DAPK2: variants seen among roughly 807,000 people sequenced by gnomAD.
The protein encoded by DAPK2 is death associated protein kinase 2.
A neutral mutation model predicts 44.1 loss-of-function variants in DAPK2; 35 were observed. The ratio of observed to expected loss-of-function variants is 0.79; its 90% CI spans 0.61 to 1.05. The LOEUF (loss-of-function observed/expected upper bound fraction) is 1.05. Among genes scored for constraint, DAPK2 ranks in the 50% least tolerant of loss-of-function variants. The probability of loss-of-function intolerance (pLI) is 0.00; values close to 1 mark genes in which losing one functional copy is unlikely to be tolerated. For missense variants in DAPK2, 453 were observed against 483.2 expected (o/e 0.94, Z 0.59); for synonymous variants, 174 against 182.6 (o/e 0.95, Z 0.38).
chr15:63,926,717 T>C (rs911874660), intron 6 of DAPK2, among the ~76,000 whole-genome samples: 1 of 152,184 alleles, frequency 6.6e-6, no homozygotes, highest in Non-Finnish European at 1.5e-5. Flanking sequence ...GATGCCTTGG[T>C]AGAGGTATGA....
rs775872514 is a variant in DAPK2, at chr15:63,912,319, C to T, written c.859-122G>A. ...CCTTGGCTTGACCCTGGCATCTCCC[C>T]GCCAGGTGGGGCACACCGTGGGAGC... On this transcript the variant is annotated intron_variant, in intron 8 of 10. Coordinates refer to ENST00000261891, the Ensembl canonical transcript of DAPK2. This position sits in a 1 kb window ranked among gnomAD's most constrained non-coding sequence, Gnocchi z 4.4. The T allele has an allele frequency of 8.8e-5, 78 of 884,140 alleles. No homozygotes were observed. Among genetic ancestry groups the T allele is most frequent in the Non-Finnish European group, 1.3e-4 (75 of 561,868 alleles). 54.8% of individuals were successfully genotyped at this position (884,140 alleles called of 1,614,324 possible).
intron 1 of DAPK2, among the ~76,000 whole-genome samples, chr15:63,985,002 C>A (rs1567252867): frequency 6.6e-6 from 1 of 152,238 alleles, no homozygotes; most frequent in African/African-American, 2.4e-5. Flanking sequence ...TCTATGGCAG[C>A]CACTTCAGAG....
intron 2 of DAPK2, among the ~76,000 whole-genome samples, chr15:63,982,630 G>C (rs1180362985): frequency 6.6e-6 from 1 of 152,136 alleles, no homozygotes; most frequent in Non-Finnish European, 1.5e-5. Flanking sequence ...CTAGAGTATT[G>C]AGGTCATCTA....
chr15:64,036,888 C>CA (rs1453605987), intron 1 of DAPK2, among the ~76,000 whole-genome samples: 2 of 152,080 alleles, frequency 1.3e-5, no homozygotes, highest in Non-Finnish European at 1.5e-5. Flanking sequence ...CTTGACACCC[C>CA]AAAACTACTC....
chr15:63,965,516 G>A lies in DAPK2; in HGVS notation c.453+5907C>T, dbSNP rs75713744. 3.2e-3 allele frequency among the ~76,000 whole-genome samples: 492 copies of A among 152,344 alleles called. 7 individuals are homozygous for A. The East Asian group carries it at 0.045, about 14-fold the overall frequency. On this transcript the variant is annotated intron_variant, in intron 3 of 10. Coordinates refer to ENST00000261891, the Ensembl canonical transcript of DAPK2. ...CTACAATAGGCAGGTGGCAAAGCCAGCCAGGCTTGTGTCCTTCCCTCAGGG... is the reference window on the plus strand; with the variant it reads ...CTACAATAGGCAGGTGGCAAAGCCAACCAGGCTTGTGTCCTTCCCTCAGGG...
chr15:63,978,619 C>A (rs557897642), intron 2 of DAPK2, among the ~76,000 whole-genome samples: 42 of 152,280 alleles, frequency 2.8e-4, no homozygotes, highest in African/African-American at 9.9e-4. Flanking sequence ...GATACCCAGG[C>A]TGGGACATTC....
chr15:64,019,567 T>C (rs954157896), intron 1 of DAPK2, among the ~76,000 whole-genome samples: 1 of 152,270 alleles, frequency 6.6e-6, no homozygotes, highest in Admixed American at 6.5e-5. Context: ...GTGCTCATTG[T>C]AGACCATGAG....
intron 1 of DAPK2, among the ~76,000 whole-genome samples, chr15:64,016,789 G>C (rs1048319833): frequency 1.4e-5 from 2 of 148,094 alleles, no homozygotes; most frequent in African/African-American, 5.0e-5. Context: ...AAGAAAGAAA[G>C]GAGGAAAGAA....
intron 7 of DAPK2, among the ~76,000 whole-genome samples, 172 bp downstream of exon 8, chr15:63,925,769 C>T (rs2079238571): frequency 1.3e-5 from 2 of 151,096 alleles, no homozygotes; most frequent in South Asian, 2.1e-4. Flanking sequence ...CTTGAGCAAA[C>T]AAGATGAATG....
chr15:63,987,770 T>A (rs943486744), intron 1 of DAPK2, among the ~76,000 whole-genome samples: 12 of 152,110 alleles, frequency 7.9e-5, no homozygotes, highest in African/African-American at 2.9e-4. Flanking sequence ...AATTCCTAAC[T>A]CTGGGCTGGT....
In DAPK2 at chr15:63,980,057, C is replaced by T. The variant is rs2078459730; in HGVS notation, c.314+3476G>A. ...CCAATCTCATAAATTCTTAGCAGTC[C>T]ATAGACAGGCACCCTGAGAACAATG... On this transcript the variant is annotated intron_variant, in intron 2 of 10. Transcript: ENST00000261891. This position sits in a 1 kb window ranked among gnomAD's most constrained non-coding sequence, Gnocchi z 4.3. 1.3e-5 allele frequency among the ~76,000 whole-genome samples: 2 copies of T among 152,102 alleles called. No homozygotes were observed. Among genetic ancestry groups the T allele is most frequent in the African/African-American group, 2.4e-5 (1 of 41,398 alleles).
chr15:63,933,596 ATT>A (rs57997935), intron 4 of DAPK2, among the ~76,000 whole-genome samples: 6,869 of 118,094 alleles, frequency 0.058, 361 homozygotes, highest in African/African-American at 0.17. Context: ...GGACAGATTG[ATT>A]TTTTTTTTTT....
At chr15:63,920,414 G>T in intron 8 of DAPK2, 1 of 152,152 alleles carries the variant, frequency 6.6e-6, no homozygotes. Flanking sequence ...CCCTCTCATT[G>T]AGGGCATCAC....
intron 1 of DAPK2, among the ~76,000 whole-genome samples, chr15:63,985,368 C>A (rs1231364819): frequency 6.6e-6 from 1 of 152,242 alleles, no homozygotes; most frequent in Non-Finnish European, 1.5e-5. Context: ...TGAACTCTAA[C>A]ACATATGGTC....
At chr15:63,993,606 A>G (rs1415853742) in intron 1 of DAPK2, among the ~76,000 whole-genome samples, 2 of 152,066 alleles carry the variant, frequency 1.3e-5, no homozygotes, top group African/African-American at 4.8e-5. Flanking sequence ...TTTCTTCACC[A>G]TGACTTGAAA....
chr15:63,991,084 C>T (rs74021217), intron 1 of DAPK2: 7 of 371,442 alleles, frequency 1.9e-5, no homozygotes, highest in African/African-American at 1.5e-4. Flanking sequence ...CTTGGGGACA[C>T]ATTCCCCAAG....
intron 1 of DAPK2, among the ~76,000 whole-genome samples, chr15:63,986,957 T>C (rs533557015): frequency 5.1e-4 from 78 of 152,288 alleles, no homozygotes; most frequent in African/African-American, 1.7e-3. Context: ...CACTTCCCCA[T>C]AGTTCTCTGA....
At chr15:64,012,271 G>A (rs1054167586) in intron 1 of DAPK2, among the ~76,000 whole-genome samples, 2 of 152,166 alleles carry the variant, frequency 1.3e-5, no homozygotes, top group Non-Finnish European at 2.9e-5. Flanking sequence ...CAAACATTCA[G>A]TAAAATAGTC....
rs1392307283 is a variant in DAPK2 at position 63,923,384 on chromosome 15, C to T, written c.858+1432G>A. On this transcript the variant is annotated intron_variant, in intron 8 of 10. Coordinates refer to ENST00000261891, the Ensembl canonical transcript of DAPK2. The surrounding 1 kb of genome is among the most constrained non-coding windows in gnomAD (Gnocchi z 4.2). ...ACAGAAGAATCAGAGTGTTAATTTG[C>T]CGCCCACCCCAGAGGGCAGTCCAAA... is the stretch of plus-strand genomic sequence containing the variant. 1.1e-5 allele frequency: 17 copies of T among 1,517,108 alleles called. No homozygotes were observed. The highest frequency in any genetic ancestry group is 1.5e-5 in the Non-Finnish European group (17 of 1,135,482). The allele number at this position is 1,517,108 out of a possible 1,614,324, so 94.0% of individuals were successfully genotyped here. A position where few individuals can be genotyped will look rare whatever the true frequency, so the allele number is the denominator to read the frequency against.
Sources: gnomAD v4.1 joint callset for allele counts (sites outside exome capture counted in the v4.1 genomes callset) on GRCh38, gnomAD v4.1.1 for gene constraint, Gnocchi (gnomAD v3.1) non-coding constraint, MANE v1.5 for transcripts, NCBI Gene and HGNC (gene_info 2026-07-23, HGNC 2026-07-21) for gene names.